NEK1: variants seen among roughly 807,000 people sequenced by gnomAD.
NEK1 encodes NIMA related kinase 1, also known as serine/threonine-protein kinase Nek1.
Under a neutral mutation model 182.1 loss-of-function variants are expected in NEK1, and 137 were observed. The observed-to-expected ratio is 0.75, with a 90% CI of 0.65 to 0.87. NEK1 has a LOEUF of 0.87. NEK1 is among the 40% of genes least tolerant of loss of function. The pLI is 0.00. For missense variants in NEK1, 1,391 were observed against 1,494.4 expected, an observed-to-expected ratio of 0.93 and a Z score of 1.14; for synonymous variants, 513 against 492.2, an observed-to-expected ratio of 1.04 and a Z score of -0.56.
intron 27 of NEK1, among the ~76,000 whole-genome samples, chr4:169,447,668 A>G (rs966923891): frequency 6.6e-6 from 1 of 152,144 alleles, no homozygotes; most frequent in Non-Finnish European, 1.5e-5. Context: ...GAAGTTTGAG[A>G]CCAGCCTGGC....
rs1759482508 is a variant in NEK1, at chr4:169,541,873, G to A, written c.1563-3962C>T. Among the ~76,000 whole-genome samples the A allele has an allele frequency of 2.0e-5, 3 of 152,220 alleles. No homozygotes were observed. The South Asian group carries it at 6.2e-4, about 32-fold the overall frequency. ...GAAGATGTTCATTAAACCCCACGAT[G>A]ATCCAACCTTTGAACAGTCCTCATA... On this transcript the variant is annotated intron_variant, in intron 18 of 35. Transcript: ENST00000507142.
intron 23 of NEK1, among the ~76,000 whole-genome samples, chr4:169,485,794 C>T (rs1008328136): frequency 6.6e-6 from 1 of 152,142 alleles, no homozygotes; most frequent in Non-Finnish European, 1.5e-5. Flanking sequence ...GCAGGAGGAG[C>T]ACTTGAGCCC....
chr4:169,502,784 A>C (rs562804730), intron 23 of NEK1, among the ~76,000 whole-genome samples: 1 of 152,240 alleles, frequency 6.6e-6, no homozygotes, highest in East Asian at 1.9e-4. Context: ...ATGCTGAATG[A>C]GCAAAAAGTT....
chr4:169,441,370 G>T (rs1739423308), intron 27 of NEK1, among the ~76,000 whole-genome samples: 1 of 152,216 alleles, frequency 6.6e-6, no homozygotes, highest in South Asian at 2.1e-4. Flanking sequence ...GTAGCTGGGA[G>T]ATCGATCTGC....
chr4:169,405,001 G>C (rs1732340600), intron 32 of NEK1, among the ~76,000 whole-genome samples: 1 of 152,082 alleles, frequency 6.6e-6, no homozygotes, highest in Admixed American at 6.6e-5. Flanking sequence ...GAACAAAACT[G>C]GTCGACCTGC....
intron 27 of NEK1, among the ~76,000 whole-genome samples, chr4:169,459,367 A>C (rs993349716): frequency 2.0e-5 from 3 of 152,156 alleles, no homozygotes; most frequent in Non-Finnish European, 2.9e-5. Flanking sequence ...AAATAACCAA[A>C]ATCCAAAACA....
At position 169,576,988 on chromosome 4, in the gene NEK1, T is replaced by C. The variant is rs760203410; in HGVS notation, c.960A>G (p.Ala320=). 2.2e-5 allele frequency: 35 copies of C among 1,612,492 alleles called. No individual in the cohort carries two copies. The highest frequency in any genetic ancestry group is 2.9e-5 in the Non-Finnish European group (34 of 1,178,882). ...KPAAKYGIPL[A]YKKYGDKKLH... is the part of the protein sequence containing the mutation. ...ATTTTTTATCTCCATATTTCTTATATGCTAAAGGTATTCCATATTTAGCGG... is the reference window on the plus strand; with the variant it reads ...ATTTTTTATCTCCATATTTCTTATACGCTAAAGGTATTCCATATTTAGCGG... Residue 320 remains alanine, a synonymous_variant, in exon 12 of 36, where the codon GCA becomes GCG. Coordinates refer to ENST00000507142, the MANE Select transcript of NEK1 (RefSeq NM_001199397.3).
chr4:169,460,910 G>A (rs1743849427), intron 27 of NEK1, among the ~76,000 whole-genome samples: 1 of 152,190 alleles, frequency 6.6e-6, no homozygotes. Flanking sequence ...TATGAGTGTA[G>A]TGTTCACACA....
Position 169,537,907 on chromosome 4 carries a change from T to C in NEK1, c.1567A>G (p.Lys523Glu), listed in dbSNP as rs1257921862. ...GCTCTTTCTACAGCTAGCTGCCCTT[T>C]TTGCCTAATTTGGACAAATCACAAA... is the stretch of plus-strand genomic sequence containing the variant. ...VSKQANANRQ[K>E]GQLAVERAKQ... Residue 523 changes from lysine (K) to glutamate (E), a missense_variant, in exon 19 of 36, where the codon AAA becomes GAA. By Grantham distance (56) the Lys-to-Glu change is moderately conservative. Transcript: ENST00000507142. The C allele has an allele frequency of 1.9e-6, 3 of 1,594,994 alleles. No homozygotes were observed. In the South Asian group the frequency reaches 3.4e-5, roughly 18 times the overall value.
At chr4:169,472,919 G>A (rs1480580962) in intron 26 of NEK1, among the ~76,000 whole-genome samples, 2 of 152,136 alleles carry the variant, frequency 1.3e-5, no homozygotes, top group African/African-American at 4.8e-5. Context: ...ATTACAGTAT[G>A]TGATTAGTTC....
At chr4:169,580,735 A>C in intron 11 of NEK1, 107 bp downstream of exon 11, 1 of 707,336 alleles carries the variant, frequency 1.4e-6, no homozygotes. Flanking sequence ...CTCTGGATTA[A>C]ATTTATCCTA....
chr4:169,469,075 T>C (rs1745458751), intron 26 of NEK1, among the ~76,000 whole-genome samples: 1 of 152,178 alleles, frequency 6.6e-6, no homozygotes, highest in African/African-American at 2.4e-5. Context: ...GCTCCTGGAT[T>C]CACTGATTTT....
chr4:169,585,940 A>G (rs1007963061), intron 9 of NEK1, among the ~76,000 whole-genome samples: 2 of 152,168 alleles, frequency 1.3e-5, no homozygotes, highest in African/African-American at 2.4e-5. Context: ...TGTAATGACT[A>G]GAACAAGAAA....
At chr4:169,496,107 G>C (rs1267739027) in intron 23 of NEK1, among the ~76,000 whole-genome samples, 1 of 152,116 alleles carries the variant, frequency 6.6e-6, no homozygotes, top group African/African-American at 2.4e-5. Flanking sequence ...TCTCCTTGAA[G>C]AGGTCCTTCA....
At chr4:169,515,691 C>T (rs893932573) in intron 19 of NEK1, among the ~76,000 whole-genome samples, 2 of 97,242 alleles carry the variant, frequency 2.1e-5, no homozygotes, top group African/African-American at 8.0e-5. Context: ...TGTGATATTC[C>T]CCTTCCTGTG....
intron 19 of NEK1, among the ~76,000 whole-genome samples, chr4:169,523,087 C>A (rs572619445): frequency 2.0e-5 from 3 of 152,106 alleles, no homozygotes; most frequent in African/African-American, 7.2e-5. Flanking sequence ...AGGGAAGGAA[C>A]AGGGAAAAGT....
intron 12 of NEK1, among the ~76,000 whole-genome samples, chr4:169,571,895 ATTTTTT>A (rs57480182): frequency 7.3e-6 from 1 of 137,206 alleles, no homozygotes; most frequent in Non-Finnish European, 1.5e-5. Context: ...TGCCCAGCTA[ATTTTTT>A]TTTTTTTTTT....
chr4:169,538,800 T>C (rs1758912493), intron 18 of NEK1, among the ~76,000 whole-genome samples: 1 of 152,180 alleles, frequency 6.6e-6, no homozygotes. Flanking sequence ...AACTAAATTA[T>C]GTCCTGAAAA....
At chr4:169,491,487 C>G (rs879941060) in intron 23 of NEK1, among the ~76,000 whole-genome samples, 8 of 152,002 alleles carry the variant, frequency 5.3e-5, no homozygotes, top group African/African-American at 1.9e-4. Flanking sequence ...AAAAACCCTG[C>G]CAGCCAACAA....
Sources: gnomAD v4.1 joint callset for allele counts (sites outside exome capture counted in the v4.1 genomes callset) on GRCh38, gnomAD v4.1.1 for gene constraint, MANE v1.5 for transcripts, NCBI Gene and HGNC (gene_info 2026-07-23, HGNC 2026-07-21) for gene names.